Variants in PALLD observed in about 807,000 individuals in gnomAD.
PALLD encodes the protein palladin, cytoskeletal associated protein, also known as palladin.
Under a neutral mutation model 123.5 loss-of-function variants are expected in PALLD, and 61 were observed. The ratio of observed to expected loss-of-function variants is 0.49; its 90% CI spans 0.40 to 0.61. PALLD has a LOEUF of 0.61. Ranked by LOEUF, PALLD falls within the 20% of genes least tolerant of loss-of-function variation. PALLD has a pLI of 0.00. For synonymous variants in PALLD, 465 were observed against 496.4 expected (o/e 0.94, Z 0.84); for missense variants, 1,273 against 1,377.0 (o/e 0.92, Z 1.20).
chr4:168,552,050 A>G (rs1053252131), intron 2 of PALLD, among the ~76,000 whole-genome samples: 1 of 152,070 alleles, frequency 6.6e-6, no homozygotes, highest in Non-Finnish European at 1.5e-5. Flanking sequence ...CATTAGGTAA[A>G]ATCTTTGAGA....
At chr4:168,870,812 C>T (rs567184039) in intron 10 of PALLD, among the ~76,000 whole-genome samples, 5 of 152,278 alleles carry the variant, frequency 3.3e-5, no homozygotes, top group African/African-American at 1.2e-4. Flanking sequence ...CTCTACTGGG[C>T]TGACTCCATG....
chr4:168,715,010 A>G (rs1785209758), intron 10 of PALLD, among the ~76,000 whole-genome samples: 1 of 152,024 alleles, frequency 6.6e-6, no homozygotes, highest in African/African-American at 2.4e-5. Flanking sequence ...GTACTGTCCA[A>G]CAGAAGTCGT....
chr4:168,831,955 A>C (rs1209058947), intron 10 of PALLD: 1 of 969,538 alleles, frequency 1.0e-6, no homozygotes, highest in African/African-American at 1.8e-5. Context: ...GCCGCGTCCC[A>C]GAGCTGCGAG....
intron 10 of PALLD, among the ~76,000 whole-genome samples, chr4:168,774,802 T>C (rs7682328): frequency 0.35 from 51,890 of 150,388 alleles, 9,715 homozygotes; most frequent in East Asian, 0.55. Flanking sequence ...TTATAATCCC[T>C]TCCTCCTGCC....
At chr4:168,631,618 T>C in intron 2 of PALLD, 1 of 985,556 alleles carries the variant, frequency 1.0e-6, no homozygotes, top group South Asian at 4.7e-5. Context: ...ACGCGGCGCA[T>C]TCGCGCGCTG....
chr4:168,564,100 A>C (rs142610053), intron 2 of PALLD, among the ~76,000 whole-genome samples: 3 of 152,360 alleles, frequency 2.0e-5, no homozygotes, highest in African/African-American at 7.2e-5. Flanking sequence ...TGAGAGTTTT[A>C]TTCTGAGCCT....
chr4:168,921,852 G>C, intron 18 of PALLD, 111 bp downstream of exon 18: 1 of 879,580 alleles, frequency 1.1e-6, no homozygotes, highest in Middle Eastern at 3.2e-4. Flanking sequence ...TGAAAAAATA[G>C]ATTGTATCAT....
At chr4:168,902,859 C>A (rs1249760812) in intron 14 of PALLD, among the ~76,000 whole-genome samples, 1 of 152,152 alleles carries the variant, frequency 6.6e-6, no homozygotes, top group Non-Finnish European at 1.5e-5. Context: ...ACAGCCTCAA[C>A]CTCCTGGGCT....
At chr4:168,800,770 A>G (rs1009239298) in intron 10 of PALLD, among the ~76,000 whole-genome samples, 10 of 152,228 alleles carry the variant, frequency 6.6e-5, no homozygotes. Flanking sequence ...ATATTTCTCA[A>G]AGAAATGCTT....
chr4:168,503,309 A>T (rs1412122481), intron 1 of PALLD, among the ~76,000 whole-genome samples: 1 of 152,230 alleles, frequency 6.6e-6, no homozygotes, highest in Non-Finnish European at 1.5e-5. Flanking sequence ...AAGCACCAAA[A>T]AGTGGTAAAA....
chr4:168,783,046 A>ATG (rs150595576), intron 10 of PALLD, among the ~76,000 whole-genome samples: 21,704 of 115,652 alleles, frequency 0.19, 1,543 homozygotes, highest in Middle Eastern at 0.23. Flanking sequence ...TTATATATAT[A>ATG]TGTGTGTGTG....
At chr4:168,536,286 T>G (rs1261991737) in intron 2 of PALLD, among the ~76,000 whole-genome samples, 1 of 152,174 alleles carries the variant, frequency 6.6e-6, no homozygotes, top group Admixed American at 6.5e-5. Flanking sequence ...ACAGAAGGCT[T>G]TCTTCTCAGT....
At chr4:168,539,356 G>A (rs895256528) in intron 2 of PALLD, among the ~76,000 whole-genome samples, 4 of 152,044 alleles carry the variant, frequency 2.6e-5, no homozygotes, top group African/African-American at 7.2e-5. Context: ...TTGGGACGCC[G>A]AGGCAGGGGA....
intron 10 of PALLD, among the ~76,000 whole-genome samples, chr4:168,825,341 T>C (rs371519888): frequency 3.3e-5 from 5 of 152,260 alleles, no homozygotes; most frequent in East Asian, 3.8e-4. Context: ...GTTAAAGATA[T>C]ATACTGCAAA....
chr4:168,531,091 G>T (rs1022132814), intron 2 of PALLD, among the ~76,000 whole-genome samples: 7 of 152,132 alleles, frequency 4.6e-5, no homozygotes, highest in African/African-American at 9.7e-5. Context: ...TGAATAAAAA[G>T]GACTAGAAAA....
intron 10 of PALLD, among the ~76,000 whole-genome samples, chr4:168,808,479 CA>C (rs1474384649): frequency 6.6e-6 from 1 of 151,678 alleles, no homozygotes; most frequent in African/African-American, 2.4e-5. Context: ...GACTCCATCT[CA>C]AAAAAACAAA....
intron 2 of PALLD, among the ~76,000 whole-genome samples, chr4:168,544,649 T>C (rs925072114): frequency 2.0e-5 from 3 of 152,234 alleles, no homozygotes; most frequent in African/African-American, 7.2e-5. Context: ...AAAAGGATAA[T>C]TTCGTTTTAC....
chr4:168,851,146 G>A (rs1747717909), intron 10 of PALLD, among the ~76,000 whole-genome samples: 1 of 151,972 alleles, frequency 6.6e-6, no homozygotes, highest in Non-Finnish European at 1.5e-5. Flanking sequence ...CCTGCCAATT[G>A]CACCAACATT....
rs186631077 is a variant in PALLD at position 168,798,983 on chromosome 4, C to T, written c.1964+87060C>T. Reference sequence around the variant, plus strand: ...TGAACGAATCATGAATCGGGCAGCCCGCAGAATCACAGCAGATTCAGAGAG... The same window carrying T: ...TGAACGAATCATGAATCGGGCAGCCTGCAGAATCACAGCAGATTCAGAGAG... On this transcript the variant is annotated intron_variant, in intron 10 of 21. Coordinates refer to ENST00000505667, the MANE Select transcript of PALLD (RefSeq NM_001166108.2). Among the ~76,000 whole-genome samples the T allele has an allele frequency of 3.0e-3, 457 of 152,144 alleles. 4 individuals carry two copies. Among genetic ancestry groups the T allele is most frequent in the African/African-American group, 0.01 (420 of 41,492 alleles).
Sources: allele counts gnomAD v4.1 joint callset (sites outside exome capture counted in the v4.1 genomes callset), GRCh38; gene constraint gnomAD v4.1.1; transcripts MANE v1.5; gene names NCBI Gene and HGNC (gene_info 2026-07-23, HGNC 2026-07-21).